The following BCAS3 variants were observed in gnomAD, a reference collection of about 807,000 sequenced individuals.
The protein encoded by BCAS3 is BCAS3 microtubule associated cell migration factor.
A neutral mutation model predicts 116.1 loss-of-function variants in BCAS3; 53 were observed. The observed-to-expected ratio is 0.46, with a 90% confidence interval of 0.37 to 0.57. The LOEUF (loss-of-function observed/expected upper bound fraction) is 0.57. Ranked by LOEUF, BCAS3 falls within the 20% of genes least tolerant of loss-of-function variation. The pLI is 0.00. For synonymous variants in BCAS3, 391 were observed against 408.2 expected, an observed-to-expected ratio of 0.96 and a Z score of 0.51; for missense variants, 917 against 1,165.4, an observed-to-expected ratio of 0.79 and a Z score of 3.10.
rs960973890 is a variant in BCAS3, at chr17:61,315,751, T to G, written c.2426-52576T>G. ...TGGTACTGGTCCCTGAGATGTCCCC[T>G]GACATGCCCCTCACCCAGCACCTCT... On this transcript the variant is annotated intron_variant, in intron 22 of 23. Coordinates refer to ENST00000407086, the MANE Select transcript of BCAS3 (RefSeq NM_017679.5). This position sits in a 1 kb window ranked among gnomAD's most constrained non-coding sequence, Gnocchi z 5.3. 3.3e-5 allele frequency among the ~76,000 whole-genome samples: 5 copies of G among 151,978 alleles called. No homozygotes were observed. The highest frequency in any genetic ancestry group is 9.7e-5 in the African/African-American group (4 of 41,376).
chr17:61,000,377 TC>T (rs2064153756), intron 15 of BCAS3, among the ~76,000 whole-genome samples: 1 of 152,166 alleles, frequency 6.6e-6, no homozygotes, highest in Admixed American at 6.5e-5. Flanking sequence ...GAATCAGACT[TC>T]CTGGTGGTAG....
intron 14 of BCAS3, among the ~76,000 whole-genome samples, chr17:60,986,706 G>T (rs1477703473): frequency 6.6e-6 from 1 of 152,014 alleles, no homozygotes; most frequent in Non-Finnish European, 1.5e-5. Context: ...TTTTCCTGTT[G>T]AGTTGTTTGG....
At position 61,162,556 on chromosome 17, in the gene BCAS3, C is replaced by T. The variant is rs1396507064; in HGVS notation, c.2425+77992C>T. Among the ~76,000 whole-genome samples, 1 of 152,162 alleles carries T rather than the reference C, an allele frequency of 6.6e-6. No homozygotes were observed. Among genetic ancestry groups the T allele is most frequent in the East Asian group, 1.9e-4 (1 of 5,200 alleles). On this transcript the variant is annotated intron_variant, in intron 22 of 23. Transcript: ENST00000407086. This position sits in a 1 kb window ranked among gnomAD's most constrained non-coding sequence, Gnocchi z 5.6. Reference sequence around the variant, plus strand: ...TACAGCAGCAAGACCAAGATGATTCCAGTAATAAGCCTTATTGGTATGGTT... The same window carrying T: ...TACAGCAGCAAGACCAAGATGATTCTAGTAATAAGCCTTATTGGTATGGTT...
chr17:61,194,385 C>A (rs2144246374), intron 22 of BCAS3, among the ~76,000 whole-genome samples: 1 of 152,244 alleles, frequency 6.6e-6, no homozygotes, highest in East Asian at 1.9e-4. Flanking sequence ...TGAAAGCTGA[C>A]TGAAATTATG....
chr17:60,884,670 C>G (rs1454858413), intron 9 of BCAS3, among the ~76,000 whole-genome samples: 4 of 140,952 alleles, frequency 2.8e-5, no homozygotes, highest in African/African-American at 5.5e-5. Flanking sequence ...TTTCAAAGAA[C>G]ATCTTTATTT....
At chr17:60,855,681 A>G (rs957322483) in intron 7 of BCAS3, among the ~76,000 whole-genome samples, 5 of 150,368 alleles carry the variant, frequency 3.3e-5, no homozygotes, top group African/African-American at 1.2e-4. Context: ...GTGATTTTGT[A>G]TTTTCTTTCT....
intron 22 of BCAS3, among the ~76,000 whole-genome samples, chr17:61,335,129 C>T (rs2056619942): frequency 6.6e-6 from 1 of 152,232 alleles, no homozygotes. Context: ...CTTTTTCTCA[C>T]CAAGTTGACT....
At chr17:61,117,089 A>T (rs1368514393) in intron 22 of BCAS3, among the ~76,000 whole-genome samples, 1 of 152,046 alleles carries the variant, frequency 6.6e-6, no homozygotes, top group East Asian at 1.9e-4. Flanking sequence ...GCCAACCCAC[A>T]CCCTTTCTCC....
intron 22 of BCAS3, among the ~76,000 whole-genome samples, chr17:61,102,581 A>T (rs997020003): frequency 3.9e-5 from 6 of 152,150 alleles, no homozygotes; most frequent in African/African-American, 1.4e-4. Flanking sequence ...TTTTGTCATG[A>T]ACATGTTTTA....
rs1021381733 is a variant in BCAS3, at chr17:61,199,007, C to T, written c.2425+114443C>T. Among the ~76,000 whole-genome samples the T allele has an allele frequency of 2.6e-5, 4 of 152,168 alleles. No individual in the cohort carries two copies. The highest frequency in any genetic ancestry group is 9.7e-5 in the African/African-American group (4 of 41,434). ...AATATATCTTACCATACTCTGATTA[C>T]TAGAAATATATAAATGAAACCAACA... On this transcript the variant is annotated intron_variant, in intron 22 of 23. Coordinates refer to ENST00000407086, the MANE Select transcript of BCAS3 (RefSeq NM_017679.5). This position sits in a 1 kb window ranked among gnomAD's most constrained non-coding sequence, Gnocchi z 4.6.
chr17:61,369,823 T>C (rs1219851144), intron 23 of BCAS3, among the ~76,000 whole-genome samples: 1 of 152,228 alleles, frequency 6.6e-6, no homozygotes, highest in Non-Finnish European at 1.5e-5. Flanking sequence ...TGACTTCGCT[T>C]CCCCTGGAAG....
intron 5 of BCAS3, among the ~76,000 whole-genome samples, chr17:60,728,685 G>A (rs2040159435): frequency 6.6e-6 from 1 of 151,840 alleles, no homozygotes; most frequent in South Asian, 2.1e-4. Context: ...TCACCATGTT[G>A]GTCAGGCTGG....
At chr17:61,177,167 C>T (rs2079196481) in intron 22 of BCAS3, among the ~76,000 whole-genome samples, 1 of 152,156 alleles carries the variant, frequency 6.6e-6, no homozygotes, top group South Asian at 2.1e-4. Context: ...ATTAAACATG[C>T]ACTTATCATA....
At position 61,334,331 on chromosome 17, in the gene BCAS3, C is replaced by T. The variant is rs1239561097; in HGVS notation, c.2426-33996C>T. Among the ~76,000 whole-genome samples the T allele has an allele frequency of 2.6e-5, 4 of 152,160 alleles. No homozygotes were observed. The South Asian group carries it at 6.2e-4, about 24-fold the overall frequency. ...CTTCTCTGAGTTTCAATTCTCTCAT[C>T]TATAAGATAGGATGATAAAACCTAT... On this transcript the variant is annotated intron_variant, in intron 22 of 23. Transcript: ENST00000407086.
chr17:60,887,390 A>G (rs2056786511), intron 9 of BCAS3: 1 of 153,688 alleles, frequency 6.5e-6, no homozygotes, highest in Non-Finnish European at 1.4e-5. Context: ...CCTCAGATGG[A>G]AATGCAGAAA....
Position 60,723,875 on chromosome 17 carries a change from T to C in BCAS3, c.321+14550T>C, listed in dbSNP as rs192423760. On this transcript the variant is annotated intron_variant, in intron 5 of 23. Coordinates refer to ENST00000407086, the MANE Select transcript of BCAS3 (RefSeq NM_017679.5). Reference sequence around the variant, plus strand: ...CTAGGACTACAGGCACCCGCCACCATGCCTGGCCAATTTTTTTTGTATTTT... The same window carrying C: ...CTAGGACTACAGGCACCCGCCACCACGCCTGGCCAATTTTTTTTGTATTTT... Among the ~76,000 whole-genome samples, 223 of 151,418 alleles carry C rather than the reference T, an allele frequency of 1.5e-3. 1 individual carries two copies. The highest frequency in any genetic ancestry group is 5.0e-3 in the African/African-American group (208 of 41,344).
At chr17:61,350,805 T>G (rs919263433) in intron 22 of BCAS3, among the ~76,000 whole-genome samples, 1 of 152,108 alleles carries the variant, frequency 6.6e-6, no homozygotes, top group Non-Finnish European at 1.5e-5. Context: ...GCTACTTTTT[T>G]CTATTTTTAG....
rs539287434 is a variant in BCAS3 at position 61,190,689 on chromosome 17, C to T, written c.2425+106125C>T. ...ATGGCGTGATCTCAGCTCACTGCAC[C>T]GACTCCCGGGTTCAAGCGATTCTCC... On this transcript the variant is annotated intron_variant, in intron 22 of 23. Coordinates refer to ENST00000407086, the MANE Select transcript of BCAS3 (RefSeq NM_017679.5). Among the ~76,000 whole-genome samples the T allele has an allele frequency of 2.5e-4, 38 of 151,706 alleles. No individual in the cohort carries two copies. In the East Asian group the frequency reaches 6.3e-3, roughly 25 times the overall value.
At chr17:60,988,764 A>G (rs2063339380) in intron 14 of BCAS3, among the ~76,000 whole-genome samples, 1 of 151,498 alleles carries the variant, frequency 6.6e-6, no homozygotes, top group East Asian at 1.9e-4. Context: ...CTCTGATTTT[A>G]TTTGAGTCTT....
Sources: gnomAD v4.1 joint callset for allele counts (sites outside exome capture counted in the v4.1 genomes callset) on GRCh38, gnomAD v4.1.1 for gene constraint, Gnocchi (gnomAD v3.1) non-coding constraint, MANE v1.5 for transcripts, NCBI Gene and HGNC (gene_info 2026-07-23, HGNC 2026-07-21) for gene names.